Variants in VWA3B observed in about 807,000 individuals in gnomAD.
The protein encoded by VWA3B is von Willebrand factor A domain containing 3B, also known as von Willebrand factor A domain-containing protein 3B.
A neutral mutation model predicts 158.3 loss-of-function variants in VWA3B; 138 were observed. The observed-to-expected ratio is 0.87, with a 90% CI of 0.76 to 1.00. The LOEUF (loss-of-function observed/expected upper bound fraction) is 1.00. VWA3B is among the 50% of genes least tolerant of loss of function. VWA3B has a pLI of 0.00. For missense variants in VWA3B, 1,555 were observed against 1,565.1 expected (o/e 0.99, Z 0.11); for synonymous variants, 596 against 587.3 (o/e 1.01, Z -0.21).
intron 23 of VWA3B, among the ~76,000 whole-genome samples, chr2:98,293,564 C>T (rs894358469): frequency 3.3e-5 from 5 of 152,122 alleles, no homozygotes; most frequent in Non-Finnish European, 5.9e-5. Flanking sequence ...ATACTCTTTA[C>T]CCAGATTTGC....
chr2:98,151,171 G>C (rs574128199), intron 7 of VWA3B, among the ~76,000 whole-genome samples: 41 of 151,288 alleles, frequency 2.7e-4, no homozygotes, highest in Non-Finnish European at 5.3e-4. Flanking sequence ...GGAGTTCAGT[G>C]GTACGATCTC....
chr2:98,291,166 G>A (rs1220570538), intron 23 of VWA3B: 1 of 154,118 alleles, frequency 6.5e-6, no homozygotes, highest in Non-Finnish European at 1.4e-5. Context: ...GGTGGGGCAA[G>A]CCATGAGATT....
chr2:98,207,246 G>T, intron 12 of VWA3B: 1 of 517,118 alleles, frequency 1.9e-6, no homozygotes, highest in South Asian at 1.5e-5. Flanking sequence ...CTGATGACTC[G>T]ACTGCCTCTG....
intron 3 of VWA3B, among the ~76,000 whole-genome samples, chr2:98,119,213 AAG>A (rs1674765534): frequency 6.6e-6 from 1 of 152,342 alleles, no homozygotes; most frequent in African/African-American, 2.4e-5. Context: ...CTAATTTCTT[AAG>A]AGTACCCTGG....
intron 8 of VWA3B, among the ~76,000 whole-genome samples, chr2:98,168,733 C>G (rs145695843): frequency 6.6e-6 from 1 of 151,780 alleles, no homozygotes; most frequent in Non-Finnish European, 1.5e-5. Context: ...GATTAGACAT[C>G]GCAGGAAAAG....
intron 20 of VWA3B, 106 bp from the exon 21 acceptor site, chr2:98,256,018 T>G: frequency 8.1e-7 from 1 of 1,227,224 alleles, no homozygotes; most frequent in Non-Finnish European, 1.2e-6. Context: ...CCTGGCTCAG[T>G]GGAGATGATG....
chr2:98,179,120 C>G (rs577831631), intron 8 of VWA3B: 1 of 437,712 alleles, frequency 2.3e-6, no homozygotes, highest in Admixed American at 2.5e-5. Context: ...TCCTACCAAG[C>G]GGCCATCGCC....
chr2:98,264,690 G>T (rs2105859206), intron 21 of VWA3B, among the ~76,000 whole-genome samples: 1 of 152,234 alleles, frequency 6.6e-6, no homozygotes, highest in Non-Finnish European at 1.5e-5. Flanking sequence ...TTCTGCTGTT[G>T]TTTGGTGGAG....
intron 3 of VWA3B, among the ~76,000 whole-genome samples, chr2:98,116,891 C>A (rs1214933939): frequency 7.2e-5 from 11 of 152,268 alleles, no homozygotes; most frequent in African/African-American, 2.6e-4. Flanking sequence ...GAAGTTCTTT[C>A]CTCAGCTTGG....
chr2:98,243,439 T>C (rs1013916104), intron 19 of VWA3B, among the ~76,000 whole-genome samples: 1 of 152,014 alleles, frequency 6.6e-6, no homozygotes, highest in African/African-American at 2.4e-5. Flanking sequence ...GTTCAAGCAA[T>C]TCTCCTGCCT....
chr2:98,144,636 G>A (rs1156847653), intron 7 of VWA3B, among the ~76,000 whole-genome samples: 3 of 151,014 alleles, frequency 2.0e-5, no homozygotes, highest in African/African-American at 2.4e-5. Flanking sequence ...GTGTGATCTC[G>A]ACTCACTGCG....
intron 2 of VWA3B, among the ~76,000 whole-genome samples, chr2:98,101,164 C>CATTT (rs1683053102): frequency 6.6e-6 from 1 of 152,154 alleles, no homozygotes; most frequent in Admixed American, 6.6e-5. Flanking sequence ...GTACTGTTTT[C>CATTT]CTACTGCGGC....
chr2:98,148,731 C>A (rs1417475354), intron 7 of VWA3B, among the ~76,000 whole-genome samples: 6 of 152,116 alleles, frequency 3.9e-5, no homozygotes, highest in Admixed American at 3.9e-4. Flanking sequence ...ACTCATGCAC[C>A]CTTTCTCCAC....
chr2:98,093,995 A>T (rs895460540), intron 2 of VWA3B, among the ~76,000 whole-genome samples: 2 of 152,134 alleles, frequency 1.3e-5, no homozygotes, highest in Non-Finnish European at 2.9e-5. Context: ...GCTGAATAGT[A>T]TTTAATTGTG....
chr2:98,253,601 C>A (rs778871844), intron 20 of VWA3B, among the ~76,000 whole-genome samples: 1 of 152,124 alleles, frequency 6.6e-6, no homozygotes, highest in African/African-American at 2.4e-5. Flanking sequence ...CCGTTCTAGC[C>A]TGGCTTGGGG....
chr2:98,311,294 T>C (rs1339956274), intron 26 of VWA3B, among the ~76,000 whole-genome samples: 2 of 152,354 alleles, frequency 1.3e-5, no homozygotes, highest in South Asian at 4.1e-4. Flanking sequence ...ATTTTCTAAA[T>C]AGTAATCTAG....
Position 98,121,452 on chromosome 2 carries a change from C to G in VWA3B, c.696C>G (p.Asp232Glu). The change falls in exon 5 of 28, where the codon GAC becomes GAG. Residue 232 changes from aspartate to glutamate, a missense_variant. Transcript: ENST00000477737. ...ATGCTCTGCTGGAAGCCGGGAGAGA[C>G]AAGACTGTAAGTGCGTGTTCATGGC... ...RLDALLEAGRDKTIESIYYFV... is the reference protein window; with the variant it reads ...RLDALLEAGREKTIESIYYFV... 1 of 1,613,770 alleles carries G rather than the reference C, an allele frequency of 6.2e-7. No individual in the cohort carries two copies. The highest frequency in any genetic ancestry group is 8.5e-7 in the Non-Finnish European group (1 of 1,179,928).
intron 21 of VWA3B, among the ~76,000 whole-genome samples, chr2:98,264,174 CA>C (rs376423860): frequency 0.04 from 5,882 of 148,162 alleles, 170 homozygotes; most frequent in Middle Eastern, 0.076. Context: ...TAGGTCTTTT[CA>C]AAAAAAAACA....
At chr2:98,121,725 G>A (rs1427872779) in intron 5 of VWA3B, among the ~76,000 whole-genome samples, 1 of 152,136 alleles carries the variant, frequency 6.6e-6, no homozygotes, top group African/African-American at 2.4e-5. Context: ...AGTGTCGGGA[G>A]AGCCGAGTGC....
Sources: allele counts gnomAD v4.1 joint callset (sites outside exome capture counted in the v4.1 genomes callset), GRCh38; gene constraint gnomAD v4.1.1; transcripts MANE v1.5; gene names NCBI Gene and HGNC (gene_info 2026-07-23, HGNC 2026-07-21).